NXPH1: variants seen among roughly 807,000 people sequenced by gnomAD.
The protein encoded by NXPH1 is neurexophilin-1.
A neutral mutation model predicts 23.7 loss-of-function variants in NXPH1; 5 were observed. The ratio of observed to expected loss-of-function variants is 0.21; its 90% CI spans 0.11 to 0.44. The LOEUF is 0.44. NXPH1 is among the 20% of genes least tolerant of loss of function. NXPH1 has a pLI of 0.99. For synonymous variants in NXPH1, 144 were observed against 122.2 expected, an observed-to-expected ratio of 1.18 and a Z score of -1.18; for missense variants, 324 against 321.6, an observed-to-expected ratio of 1.01 and a Z score of -0.06.
chr7:8,723,832 T>TAGA (rs1780006316), intron 2 of NXPH1, among the ~76,000 whole-genome samples: 1 of 152,136 alleles, frequency 6.6e-6, no homozygotes, highest in Non-Finnish European at 1.5e-5. Flanking sequence ...AAGCAGCTTA[T>TAGA]ACACAGGTTC....
intron 2 of NXPH1, among the ~76,000 whole-genome samples, chr7:8,566,154 T>A (rs1018344594): frequency 5.9e-5 from 9 of 151,824 alleles, no homozygotes; most frequent in Non-Finnish European, 1.0e-4. Context: ...TCACAGAGGC[T>A]CGAGCAAAGG....
intron 2 of NXPH1, among the ~76,000 whole-genome samples, chr7:8,737,045 C>G (rs1780270891): frequency 6.6e-6 from 1 of 151,816 alleles, no homozygotes; most frequent in South Asian, 2.1e-4. Flanking sequence ...TCAGATGGGT[C>G]TCCTGAATAC....
chr7:8,716,878 T>C (rs571162337), intron 2 of NXPH1, among the ~76,000 whole-genome samples: 77 of 152,312 alleles, frequency 5.1e-4, no homozygotes, highest in Non-Finnish European at 9.7e-4. Context: ...GGCACTCTAG[T>C]CTCTGGCCCT....
intron 2 of NXPH1, among the ~76,000 whole-genome samples, chr7:8,724,171 C>T (rs952115781): frequency 1.3e-5 from 2 of 152,124 alleles, no homozygotes; most frequent in African/African-American, 4.8e-5. Context: ...CCACAGAGTG[C>T]CTCAGCCAGC....
intron 2 of NXPH1, among the ~76,000 whole-genome samples, chr7:8,669,154 C>T (rs549682739): frequency 2.8e-4 from 42 of 152,238 alleles, no homozygotes; most frequent in African/African-American, 8.7e-4. Context: ...GCCTGGACCT[C>T]GGGTCTGCTG....
At chr7:8,713,513 T>G (rs2115199561) in intron 2 of NXPH1, among the ~76,000 whole-genome samples, 1 of 152,198 alleles carries the variant, frequency 6.6e-6, no homozygotes, top group Non-Finnish European at 1.5e-5. Flanking sequence ...CAGATTTTTT[T>G]TTTTTTGCTA....
intron 2 of NXPH1, among the ~76,000 whole-genome samples, chr7:8,736,351 A>G (rs982308450): frequency 6.6e-6 from 1 of 152,290 alleles, no homozygotes; most frequent in African/African-American, 2.4e-5. Flanking sequence ...CTGGTTTCAA[A>G]GAACTTATTT....
chr7:8,522,561 T>C (rs1001818675), intron 2 of NXPH1, among the ~76,000 whole-genome samples: 2 of 152,234 alleles, frequency 1.3e-5, no homozygotes, highest in Non-Finnish European at 2.9e-5. Flanking sequence ...AGCACCGTTT[T>C]TTTAAAGCAC....
intron 2 of NXPH1, among the ~76,000 whole-genome samples, chr7:8,503,647 G>A (rs1817474558): frequency 6.6e-6 from 1 of 151,944 alleles, no homozygotes; most frequent in African/African-American, 2.4e-5. Context: ...TCCTGATGCA[G>A]GTAAGGAAGG....
chr7:8,681,598 T>C (rs1006869298), intron 2 of NXPH1, among the ~76,000 whole-genome samples: 4 of 152,202 alleles, frequency 2.6e-5, no homozygotes, highest in African/African-American at 9.6e-5. Context: ...TGTGTGCATG[T>C]AAAGGGCAAT....
At chr7:8,605,028 G>A (rs567327164) in intron 2 of NXPH1, among the ~76,000 whole-genome samples, 16 of 152,090 alleles carry the variant, frequency 1.1e-4, no homozygotes, top group South Asian at 4.1e-4. Context: ...TCAGAACTGC[G>A]TACCATATTG....
At chr7:8,637,385 G>A (rs1281399566) in intron 2 of NXPH1, among the ~76,000 whole-genome samples, 1 of 151,938 alleles carries the variant, frequency 6.6e-6, no homozygotes, top group East Asian at 1.9e-4. Context: ...ACCATGCCTG[G>A]CTAATTTAAA....
At chr7:8,523,617 TTTG>T (rs1237342346) in intron 2 of NXPH1, among the ~76,000 whole-genome samples, 3 of 152,204 alleles carry the variant, frequency 2.0e-5, no homozygotes, top group Non-Finnish European at 4.4e-5. Context: ...TTTTTTTCTT[TTTG>T]TTCAGGATTT....
chr7:8,437,930 C>T (rs1188758223), intron 2 of NXPH1, among the ~76,000 whole-genome samples: 3 of 152,142 alleles, frequency 2.0e-5, no homozygotes, highest in Non-Finnish European at 4.4e-5. Flanking sequence ...TTTAGAAGTC[C>T]GTTCTTTTTT....
At chr7:8,696,934 A>G (rs1315042502) in intron 2 of NXPH1, among the ~76,000 whole-genome samples, 2 of 151,420 alleles carry the variant, frequency 1.3e-5, no homozygotes, top group African/African-American at 4.9e-5. Flanking sequence ...ACTTGAGGCC[A>G]GGAGTTTGAG....
chr7:8,598,305 C>T (rs554165174), intron 2 of NXPH1, among the ~76,000 whole-genome samples: 1 of 152,210 alleles, frequency 6.6e-6, no homozygotes, highest in East Asian at 1.9e-4. Context: ...GCATGGCTCT[C>T]CTTTTATAAT....
At chr7:8,454,671 T>C (rs1816561971) in intron 2 of NXPH1, among the ~76,000 whole-genome samples, 1 of 152,142 alleles carries the variant, frequency 6.6e-6, no homozygotes, top group Admixed American at 6.5e-5. Context: ...AAAGCCTCTT[T>C]AAAAAGAGAA....
chr7:8,615,540 A>T (rs1819716044), intron 2 of NXPH1, among the ~76,000 whole-genome samples: 1 of 152,064 alleles, frequency 6.6e-6, no homozygotes, highest in Non-Finnish European at 1.5e-5. Flanking sequence ...TTGCAAAAAT[A>T]ATCTGACTCT....
chr7:8,457,538 C>T (rs1816618054), intron 2 of NXPH1, among the ~76,000 whole-genome samples: 1 of 103,032 alleles, frequency 9.7e-6, no homozygotes, highest in African/African-American at 6.2e-5. Context: ...TGCCCTAATT[C>T]TTAGTTTTTT....
Sources: allele counts gnomAD v4.1 joint callset (sites outside exome capture counted in the v4.1 genomes callset), GRCh38; gene constraint gnomAD v4.1.1; transcripts MANE v1.5; gene names NCBI Gene and HGNC (gene_info 2026-07-23, HGNC 2026-07-21).